Variants in CHRNA9 observed in about 807,000 individuals in gnomAD.
CHRNA9 encodes the protein cholinergic receptor nicotinic alpha 9 subunit.
A neutral mutation model predicts 36.8 loss-of-function variants in CHRNA9; 24 were observed. That is an observed-to-expected ratio of 0.65 (90% CI 0.47 to 0.92). The LOEUF (loss-of-function observed/expected upper bound fraction) is 0.92. Among genes scored for constraint, CHRNA9 ranks in the 40% least tolerant of loss-of-function variants. The probability of loss-of-function intolerance (pLI) is 0.00; values close to 1 mark genes in which losing one functional copy is unlikely to be tolerated. For missense variants in CHRNA9, 610 were observed against 601.2 expected, an observed-to-expected ratio of 1.01 and a Z score of -0.15; for synonymous variants, 231 against 231.8, an observed-to-expected ratio of 1.00 and a Z score of 0.03.
At chr4:40,345,452 C>T (rs1447532629) in intron 3 of CHRNA9, among the ~76,000 whole-genome samples, 1 of 152,124 alleles carries the variant, frequency 6.6e-6, no homozygotes, top group African/African-American at 2.4e-5. Context: ...TGGCTCACAC[C>T]TGTGATCCCA....
chr4:40,354,234 C>T lies in CHRNA9; in HGVS notation c.1154C>T (p.Ala385Val), dbSNP rs1451223545. 9.9e-6 allele frequency: 16 copies of T among 1,614,062 alleles called. No homozygotes were observed. The highest frequency in any genetic ancestry group is 1.4e-5 in the Non-Finnish European group (16 of 1,180,048). The change falls in exon 5 of 5, where the codon GCC becomes GTC. Residue 385 changes from alanine (A) to valine (V), a missense_variant. Coordinates refer to ENST00000310169, the MANE Select transcript of CHRNA9 (RefSeq NM_017581.4). Reference protein sequence around the residue: ...SKLPESNLKAARNKDLSRKKD... With the variant: ...SKLPESNLKAVRNKDLSRKKD... ...CTCCCAGAGTCTAACCTGAAAGCAG[C>T]CAGGAACAAAGACCTTTCCAGAAAG...
At chr4:40,339,366 G>T (rs1175820683) in intron 3 of CHRNA9, among the ~76,000 whole-genome samples, 4 of 149,914 alleles carry the variant, frequency 2.7e-5, no homozygotes, top group African/African-American at 9.8e-5. Context: ...AATTCTGTAA[G>T]TTCTTTTTTT....
At chr4:40,349,967 A>G (rs1225862115) in intron 4 of CHRNA9, 4 of 155,438 alleles carry the variant, frequency 2.6e-5, no homozygotes, top group Admixed American at 2.5e-4. Context: ...TCTCTGCTTC[A>G]TCATCTGGAA....
intron 3 of CHRNA9, 30 bp from the exon 4 acceptor site, chr4:40,348,852 C>G: frequency 6.3e-7 from 1 of 1,599,824 alleles, no homozygotes; most frequent in Non-Finnish European, 8.5e-7. Flanking sequence ...TCCTAGCATG[C>G]GGCTTTCATT....
chr4:40,335,744 A>T, intron 1 of CHRNA9, 83 bp from the exon 2 acceptor site: 3 of 1,401,492 alleles, frequency 2.1e-6, no homozygotes, highest in Non-Finnish European at 3.0e-6. Flanking sequence ...GCCATCCCCC[A>T]TTTTAGACCT....
intron 3 of CHRNA9, among the ~76,000 whole-genome samples, chr4:40,346,542 T>A (rs1199235029): frequency 6.6e-6 from 1 of 152,202 alleles, no homozygotes; most frequent in Non-Finnish European, 1.5e-5. Flanking sequence ...AGCAGTGTTC[T>A]CAGTTCACGT....
At chr4:40,337,608 A>T (rs1448919425) in intron 3 of CHRNA9, among the ~76,000 whole-genome samples, 2 of 152,302 alleles carry the variant, frequency 1.3e-5, no homozygotes, top group African/African-American at 2.4e-5. Context: ...TGGAGGCTGC[A>T]TTAGTTTGCT....
chr4:40,349,248 C>T lies in CHRNA9; in HGVS notation c.732C>T (p.Leu244=). The change falls in exon 4 of 5, where the codon CTC becomes CTT. Residue 244 remains leucine, a synonymous_variant. Coordinates refer to ENST00000310169, the MANE Select transcript of CHRNA9 (RefSeq NM_017581.4). ...KRRSSFYIVN[L]LIPCVLISFL... is the part of the protein sequence containing the mutation. ...GGTCCTCGTTCTATATCGTCAACCTCCTCATCCCATGCGTCCTCATATCTT... is the reference window on the plus strand; with the variant it reads ...GGTCCTCGTTCTATATCGTCAACCTTCTCATCCCATGCGTCCTCATATCTT... 3.7e-6 allele frequency: 6 copies of T among 1,614,186 alleles called. No homozygotes were observed. The highest frequency in any genetic ancestry group is 1.1e-5 in the South Asian group (1 of 91,080).
chr4:40,346,080 T>C (rs914740910), intron 3 of CHRNA9, among the ~76,000 whole-genome samples: 1 of 152,158 alleles, frequency 6.6e-6, no homozygotes, highest in Non-Finnish European at 1.5e-5. Context: ...CCAAAGCAGC[T>C]GGGGTGATGT....
At chr4:40,337,542 A>G (rs1265292542) in intron 3 of CHRNA9, among the ~76,000 whole-genome samples, 178 bp downstream of exon 3, 1 of 152,254 alleles carries the variant, frequency 6.6e-6, no homozygotes, top group Non-Finnish European at 1.5e-5. Context: ...ATGTCATAAA[A>G]GCTTAGAGCT....
rs559200096 is a variant in CHRNA9, at chr4:40,354,834, C to T, written c.*314C>T. The stretch of plus-strand genomic sequence containing the variant: ...AGTACAGATAACAAAATACACTTTA[C>T]TGGTAAAATTTAAAACAAAAAAGGC... On this transcript the variant is annotated 3_prime_UTR_variant, in exon 5 of 5. Transcript: ENST00000310169. 3 of 212,998 alleles carry T rather than the reference C, an allele frequency of 1.4e-5. No homozygotes were observed. Among genetic ancestry groups the T allele is most frequent in the African/African-American group, 6.9e-5 (3 of 43,786 alleles). The allele number at this position is 212,998 out of a possible 1,614,324, so 13.2% of individuals were successfully genotyped here. A position where few individuals can be genotyped will look rare whatever the true frequency, so the allele number is the denominator to read the frequency against.
chr4:40,335,970 A>T lies in CHRNA9; in HGVS notation c.208A>T (p.Met70Leu). 1 of 1,611,848 alleles carries T rather than the reference A, an allele frequency of 6.2e-7. No homozygotes were observed. Among genetic ancestry groups the T allele is most frequent in the Non-Finnish European group, 8.5e-7 (1 of 1,178,032 alleles). The change falls in exon 2 of 5, where the codon ATG becomes TTG. Residue 70 changes from methionine (M) to leucine (L), a missense_variant and splice_region_variant. Met to Leu is a conservative substitution (Grantham distance 15). Coordinates refer to ENST00000310169, the MANE Select transcript of CHRNA9 (RefSeq NM_017581.4). Reference sequence around the variant, plus strand: ...GATTACGCTCTCTCAGATTAAGGATATGGTGAGTAACACATGGTGCTGACT... The same window carrying T: ...GATTACGCTCTCTCAGATTAAGGATTTGGTGAGTAACACATGGTGCTGACT... ...LQITLSQIKD[M>L]DERNQILTAY...
Position 40,349,220 on chromosome 4 carries a change from G to A in CHRNA9, c.704G>A (p.Arg235Lys). The A allele has an allele frequency of 1.9e-6, 3 of 1,614,132 alleles. No homozygotes were observed. The highest frequency in any genetic ancestry group is 2.2e-5 in the East Asian group (1 of 44,888). Reference sequence around the variant, plus strand: ...GTCACATTCACCCTCCTTCTGAAGAGGAGGTCCTCGTTCTATATCGTCAAC... The same window carrying A: ...GTCACATTCACCCTCCTTCTGAAGAAGAGGTCCTCGTTCTATATCGTCAAC... ...PDVTFTLLLK[R>K]RSSFYIVNLL... Residue 235 changes from arginine (R) to lysine (K), a missense_variant, in exon 4 of 5, where the codon AGG becomes AAG. Physicochemically the swap from Arg to Lys is conservative, Grantham distance 26. Transcript: ENST00000310169.
At position 40,335,441 on chromosome 4, in the gene CHRNA9, A is replaced by T; in HGVS notation, c.-27A>T. 6.3e-7 allele frequency: 1 copy of T among 1,583,884 alleles called. No homozygotes were observed. The highest frequency in any genetic ancestry group is 8.7e-7 in the Non-Finnish European group (1 of 1,152,294). On this transcript the variant is annotated 5_prime_UTR_variant, in exon 1 of 5. Coordinates refer to ENST00000310169, the MANE Select transcript of CHRNA9 (RefSeq NM_017581.4). ...TGGAAGACCACGCTGCCTGACTGAG[A>T]CTTTATTATAGAGGCTCAGGAAAAA...
chr4:40,336,357 G>C (rs540758117), intron 2 of CHRNA9, among the ~76,000 whole-genome samples: 2 of 152,146 alleles, frequency 1.3e-5, no homozygotes, highest in African/African-American at 4.8e-5. Context: ...GTTTCTTTGC[G>C]GGGGGAAGAA....
At chr4:40,348,715 G>A (rs759753316) in intron 3 of CHRNA9, among the ~76,000 whole-genome samples, 167 bp from the exon 4 acceptor site, 7 of 152,200 alleles carry the variant, frequency 4.6e-5, no homozygotes, top group African/African-American at 4.8e-5. Context: ...GGAGATGGAG[G>A]AGAAGGACAA....
At chr4:40,336,082 T>C in intron 2 of CHRNA9, 110 bp downstream of exon 2, 1 of 898,504 alleles carries the variant, frequency 1.1e-6, no homozygotes. Context: ...GATAGCTCCT[T>C]AAGCAAGCTG....
chr4:40,335,737 A>T (rs1448795588), intron 1 of CHRNA9, 90 bp from the exon 2 acceptor site: 1 of 1,324,500 alleles, frequency 7.6e-7, no homozygotes, highest in African/African-American at 1.4e-5. Context: ...GTGTTGGGCC[A>T]TCCCCCATTT....
At chr4:40,344,892 T>C (rs542373149) in intron 3 of CHRNA9, among the ~76,000 whole-genome samples, 18 of 152,336 alleles carry the variant, frequency 1.2e-4, no homozygotes, top group African/African-American at 3.8e-4. Flanking sequence ...TGGAAAGATA[T>C]CTGACTGGAG....
Sources: gnomAD v4.1 joint callset for allele counts (sites outside exome capture counted in the v4.1 genomes callset) on GRCh38, gnomAD v4.1.1 for gene constraint, MANE v1.5 for transcripts, NCBI Gene and HGNC (gene_info 2026-07-23, HGNC 2026-07-21) for gene names.